PLEKHM2: variants seen among roughly 807,000 people sequenced by gnomAD.
PLEKHM2 encodes the protein pleckstrin homology and RUN domain containing M2.
In PLEKHM2, 77 loss-of-function variants were observed where a neutral mutation model predicts 116.3. That is an observed-to-expected ratio of 0.66 (90% CI 0.55 to 0.80). PLEKHM2 has a LOEUF of 0.80. Ranked by LOEUF, PLEKHM2 falls within the 30% of genes least tolerant of loss-of-function variation. PLEKHM2 has a pLI of 0.00. For synonymous variants in PLEKHM2, 562 were observed against 571.0 expected, an observed-to-expected ratio of 0.98 and a Z score of 0.22; for missense variants, 1,183 against 1,354.9, an observed-to-expected ratio of 0.87 and a Z score of 1.99.
chr1:15,721,382 T>C lies in PLEKHM2; in HGVS notation c.706T>C (p.Trp236Arg). ...AGTGCCGTCTGTACCCAGCACAGAC[T>C]GGGAAGGTGGGCCAGAGTCCGCTGT... Reference protein sequence around the residue: ...PAVPSVPSTDWEDGDLTDTVS... With the variant: ...PAVPSVPSTDREDGDLTDTVS... The change falls in exon 7 of 20, where the codon TGG becomes CGG. Residue 236 changes from tryptophan to arginine, a missense_variant. By Grantham distance (101) the Trp-to-Arg change is moderately radical (BLOSUM62 -3). This residue lies in a region of PLEKHM2 where 372 missense variants were observed against 357.2 expected (regional missense o/e 1.04). Transcript: ENST00000375799. This position sits in a 1 kb window ranked among gnomAD's most constrained non-coding sequence, Gnocchi z 5.1. The C allele has an allele frequency of 6.4e-7, 1 of 1,563,740 alleles. No homozygotes were observed.
chr1:15,718,342 C>G (rs1226838586), intron 4 of PLEKHM2, among the ~76,000 whole-genome samples, 196 bp from the exon 5 acceptor site: 1 of 152,234 alleles, frequency 6.6e-6, no homozygotes, highest in East Asian at 1.9e-4. Flanking sequence ...AAGACACTGG[C>G]AGGACAGTGC....
At chr1:15,720,149 T>C (rs74054833) in intron 6 of PLEKHM2, among the ~76,000 whole-genome samples, 1 of 118,678 alleles carries the variant, frequency 8.4e-6, no homozygotes, top group Non-Finnish European at 1.7e-5. Flanking sequence ...TATATATATA[T>C]AAAATATATA....
chr1:15,717,749 G>A, intron 3 of PLEKHM2, 144 bp from the exon 4 acceptor site: 1 of 612,740 alleles, frequency 1.6e-6, no homozygotes, highest in Admixed American at 2.7e-5. Context: ...GCACTCAGGG[G>A]TTATGGTACC....
Position 15,721,438 on chromosome 1 carries a change from A to T in PLEKHM2, c.712+50A>T. 3 of 1,144,374 alleles carry T rather than the reference A, an allele frequency of 2.6e-6. No homozygotes were observed. The highest frequency in any genetic ancestry group is 3.9e-6 in the Non-Finnish European group (3 of 778,836). 70.9% of individuals were successfully genotyped at this position (1,144,374 alleles called of 1,614,324 possible). On this transcript the variant is annotated intron_variant, in intron 7 of 19. Coordinates refer to ENST00000375799, the MANE Select transcript of PLEKHM2 (RefSeq NM_015164.4). This position sits in a 1 kb window ranked among gnomAD's most constrained non-coding sequence, Gnocchi z 5.1. ...TCTTTTCCTGTTTTGCAATGTTTCC[A>T]TGCCAAGCTTGCTGCATGTATCAAA...
At chr1:15,722,383 A>G (rs1237323365) in intron 7 of PLEKHM2, among the ~76,000 whole-genome samples, 1 of 152,178 alleles carries the variant, frequency 6.6e-6, no homozygotes, top group Admixed American at 6.5e-5. Context: ...ACCTCAGGTG[A>G]TCCACCCCAC....
rs2068164854 is a variant in PLEKHM2, at chr1:15,732,743, A to C, written c.2922+15A>C. The C allele has an allele frequency of 6.4e-7, 1 of 1,553,528 alleles. No homozygotes were observed. ...CCATCTATCAGGTACCCAGCTGCCC[A>C]GGAAACCCATTAGCCAGGGACCCTG... On this transcript the variant is annotated intron_variant, in intron 19 of 19. Coordinates refer to ENST00000375799, the MANE Select transcript of PLEKHM2 (RefSeq NM_015164.4).
upstream of PLEKHM2, among the ~76,000 whole-genome samples, chr1:15,682,187 C>T (rs138951882): frequency 0.01 from 1,555 of 151,738 alleles, 28 homozygotes; most frequent in African/African-American, 0.034. Flanking sequence ...CAGAGTGAGA[C>T]CCTGTCTTTA....
chr1:15,730,507 TC>T (rs781576791), intron 14 of PLEKHM2, 24 bp from the exon 15 acceptor site: 23 of 1,513,570 alleles, frequency 1.5e-5, no homozygotes, highest in East Asian at 1.2e-4. Flanking sequence ...ACTTGCTTTG[TC>T]CCCCGTGCCC....
chr1:15,730,270 G>C (rs1337689061), intron 14 of PLEKHM2, among the ~76,000 whole-genome samples: 1 of 152,170 alleles, frequency 6.6e-6, no homozygotes, highest in Non-Finnish European at 1.5e-5. Context: ...GCAAAACCCC[G>C]TCTCTACTAA....
At chr1:15,732,898 C>T (rs931259168) in intron 19 of PLEKHM2, among the ~76,000 whole-genome samples, 170 bp downstream of exon 19, 27 of 152,230 alleles carry the variant, frequency 1.8e-4, no homozygotes, top group Non-Finnish European at 2.5e-4. Context: ...GTGCCTGCTG[C>T]TCTTAAAACA....
intron 1 of PLEKHM2, among the ~76,000 whole-genome samples, chr1:15,687,063 CAGGCATG>C (rs1235425432): frequency 6.6e-6 from 1 of 152,206 alleles, no homozygotes; most frequent in African/African-American, 2.4e-5. Flanking sequence ...GCTGGGATTA[CAGGCATG>C]AGCCACCGTG....
In PLEKHM2 at chr1:15,725,424, G is replaced by A. The variant is rs552932422; in HGVS notation, c.820G>A (p.Glu274Lys). ...CACCCAGCGCCAGAACCCCTTCAAC[G>A]AGGAGCCGGCAGAGACTGTGTCCTC... Reference protein sequence around the residue: ...SPTQRQNPFNEEPAETVSSSD... With the variant: ...SPTQRQNPFNKEPAETVSSSD... The change falls in exon 8 of 20, where the codon GAG (glutamate) becomes AAG (lysine). Residue 274 changes from glutamate (E) to lysine (K), a missense_variant. By Grantham distance (56) the Glu-to-Lys change is moderately conservative. This residue lies in a region of PLEKHM2 where 372 missense variants were observed against 357.2 expected (regional missense o/e 1.04). Transcript: ENST00000375799. The A allele has an allele frequency of 3.7e-5, 58 of 1,558,580 alleles. 1 individual carries two copies. In the African/African-American group the frequency reaches 4.5e-4, roughly 12 times the overall value.
In PLEKHM2 at chr1:15,716,932, G is replaced by C. The variant is rs1641458890; in HGVS notation, c.277+116G>C. 4 of 1,289,484 alleles carry C rather than the reference G, an allele frequency of 3.1e-6. No individual in the cohort carries two copies. In the South Asian group the frequency reaches 4.1e-5, roughly 13 times the overall value. The allele number at this position is 1,289,484 out of a possible 1,614,324, so 79.9% of individuals were successfully genotyped here. A position where few individuals can be genotyped will look rare whatever the true frequency, so the allele number is the denominator to read the frequency against. On this transcript the variant is annotated intron_variant, in intron 3 of 19. Coordinates refer to ENST00000375799, the MANE Select transcript of PLEKHM2 (RefSeq NM_015164.4). ...AGCCCTGGGAGGCAAATTACCTGGT[G>C]GTGTCCAGTAGCAGTGGGGTGTTAA...
At chr1:15,696,256 TG>T (rs1296614351) in intron 1 of PLEKHM2, among the ~76,000 whole-genome samples, 14 of 152,222 alleles carry the variant, frequency 9.2e-5, no homozygotes, top group African/African-American at 3.4e-4. Flanking sequence ...TCCTTCTCCA[TG>T]GTGTTGGTCT....
At chr1:15,689,108 T>C (rs7538229) in intron 1 of PLEKHM2, among the ~76,000 whole-genome samples, 24,890 of 150,760 alleles carry the variant, frequency 0.17, 3,860 homozygotes, top group African/African-American at 0.41. Flanking sequence ...ATTAGCTAGG[T>C]GTGGTGGTGC....
At chr1:15,730,002 A>T (rs2068117349) in intron 14 of PLEKHM2, 73 bp downstream of exon 14, 1 of 1,125,144 alleles carries the variant, frequency 8.9e-7, no homozygotes, top group South Asian at 1.4e-5. Flanking sequence ...CGTGAGCGTT[A>T]AGGGATGCAC....
intron 1 of PLEKHM2, among the ~76,000 whole-genome samples, chr1:15,705,216 A>T (rs1201183084): frequency 1.7e-5 from 2 of 118,084 alleles, no homozygotes; most frequent in African/African-American, 6.8e-5. Context: ...GTCTCACTCT[A>T]TCACCTAGTT....
rs564691201 is a variant in PLEKHM2 at position 15,694,000 on chromosome 1, G to A, written c.60+9382G>A. ...AGCTGGCAGTGCCCTTCTGTCCAAC[G>A]GAAGCAGTAGAGCTTTTCTCATGAC... On this transcript the variant is annotated intron_variant, in intron 1 of 19. Transcript: ENST00000375799. Among the ~76,000 whole-genome samples, 15 of 152,228 alleles carry A rather than the reference G, an allele frequency of 9.9e-5. No individual in the cohort carries two copies. In the South Asian group the frequency reaches 1.0e-3, roughly 11 times the overall value.
Position 15,732,371 on chromosome 1 carries a change from C to G in PLEKHM2, c.2647C>G (p.Pro883Ala). ...SKGVIPQGVA[P>A]SPCIPCCLVL... ...CCAGGTCATCCCCCAGGGCGTAGCT[C>G]CCAGCCCCTGCATACCCTGCTGCCT... is the stretch of plus-strand genomic sequence containing the variant. Residue 883 changes from proline to alanine, a missense_variant, in exon 18 of 20, where the codon CCC (proline) becomes GCC (alanine). Pro to Ala is a conservative substitution (Grantham distance 27). Transcript: ENST00000375799. 1.9e-6 allele frequency: 3 copies of G among 1,556,330 alleles called. No homozygotes were observed. Among genetic ancestry groups the G allele is most frequent in the Non-Finnish European group, 2.6e-6 (3 of 1,150,116 alleles).
Sources: allele counts gnomAD v4.1 joint callset (sites outside exome capture counted in the v4.1 genomes callset), GRCh38; gene constraint gnomAD v4.1.1; regional missense constraint gnomAD v4.1.1; non-coding constraint Gnocchi (gnomAD v3.1); transcripts MANE v1.5; gene names NCBI Gene and HGNC (gene_info 2026-07-23, HGNC 2026-07-21).